The following BOD1L1 variants were observed in gnomAD, a reference collection of about 807,000 sequenced individuals.
BOD1L1 encodes the protein biorientation of chromosomes in cell division 1 like 1.
BOD1L1 carries 86 observed loss-of-function variants against 240.7 expected under a neutral mutation model. The observed-to-expected ratio is 0.36, with a 90% CI of 0.30 to 0.43. The LOEUF (loss-of-function observed/expected upper bound fraction) is 0.43, where lower values mean the gene tolerates loss of function less well. BOD1L1 is among the 20% of genes least tolerant of loss of function. BOD1L1 has a pLI of 1.00. For missense variants in BOD1L1, 3,554 were observed against 3,643.5 expected (o/e 0.98, Z 0.63); for synonymous variants, 1,268 against 1,272.3 (o/e 1.00, Z 0.07).
At chr4:13,617,149 G>A (rs1716675451) in intron 2 of BOD1L1, among the ~76,000 whole-genome samples, 1 of 150,722 alleles carries the variant, frequency 6.6e-6, no homozygotes, top group Non-Finnish European at 1.5e-5. Context: ...GGAGGCTGAG[G>A]CAGGAGAATT....
chr4:13,619,173 G>C lies in BOD1L1; in HGVS notation c.368+770C>G, dbSNP rs1043359501. On this transcript the variant is annotated intron_variant, in intron 2 of 25. Coordinates refer to ENST00000040738, the MANE Select transcript of BOD1L1 (RefSeq NM_148894.3). ...CCCTGTCTCTACAAAAAAATACAACGATAAGCTGGGCATGGTGGCAGGTGC... is the reference window on the plus strand; with the variant it reads ...CCCTGTCTCTACAAAAAAATACAACCATAAGCTGGGCATGGTGGCAGGTGC... Among the ~76,000 whole-genome samples, 7 of 151,966 alleles carry C rather than the reference G, an allele frequency of 4.6e-5. 1 individual carries two copies. In the South Asian group the frequency reaches 1.2e-3, roughly 27 times the overall value.
In BOD1L1 at chr4:13,604,838, C is replaced by T. The variant is rs750366619; in HGVS notation, c.2062G>A (p.Glu688Lys). 5.1e-5 allele frequency: 83 copies of T among 1,611,656 alleles called. No individual in the cohort carries two copies. The highest frequency in any genetic ancestry group is 4.0e-5 in the African/African-American group (3 of 74,630). ...RQVERSEICT[E>K]EPQKQKSTLK... ...GTGCTTTTCTGTTTCTGGGGCTCTT[C>T]GGTGCAAATTTCTGAGCGTTCTACT... The change falls in exon 10 of 26, where the codon GAA becomes AAA. Residue 688 changes from glutamate to lysine, a missense_variant. By Grantham distance (56) the Glu-to-Lys change is moderately conservative. Transcript: ENST00000040738.
At chr4:13,570,871 A>C (rs907673414) in intron 25 of BOD1L1, among the ~76,000 whole-genome samples, 2 of 152,142 alleles carry the variant, frequency 1.3e-5, no homozygotes, top group East Asian at 3.9e-4. Context: ...GGAATCCCCC[A>C]CAGAGAAATG....
chr4:13,600,491 C>T lies in BOD1L1; in HGVS notation c.6409G>A (p.Glu2137Lys). 6.2e-7 allele frequency: 1 copy of T among 1,613,978 alleles called. No individual in the cohort carries two copies. Among genetic ancestry groups the T allele is most frequent in the Non-Finnish European group, 8.5e-7 (1 of 1,179,902 alleles). Residue 2137 changes from glutamate to lysine, a missense_variant, in exon 10 of 26, where the codon GAG becomes AAG. By Grantham distance (56) the Glu-to-Lys change is moderately conservative (BLOSUM62 1). Coordinates refer to ENST00000040738, the MANE Select transcript of BOD1L1 (RefSeq NM_148894.3). ...GAAATCATGGCACACTCATCTTTCT[C>T]TTCACTTCTGCTGGCAGTGAGTTGG... ...DSQLTASRSE[E>K]KDECAMISTS...
At chr4:13,570,800 T>C (rs777049542) in intron 25 of BOD1L1, among the ~76,000 whole-genome samples, 4 of 152,142 alleles carry the variant, frequency 2.6e-5, no homozygotes, top group Non-Finnish European at 5.9e-5. Flanking sequence ...CTTCTACTTG[T>C]GCACCATCTG....
chr4:13,615,593 A>G (rs756264092), intron 2 of BOD1L1, 91 bp from the exon 3 acceptor site: 9 of 1,193,362 alleles, frequency 7.5e-6, no homozygotes, highest in Non-Finnish European at 9.2e-6. Flanking sequence ...TCTGTCATCT[A>G]TCTATCCATC....
chr4:13,615,897 G>A (rs1716551871), intron 2 of BOD1L1, among the ~76,000 whole-genome samples: 1 of 152,048 alleles, frequency 6.6e-6, no homozygotes, highest in South Asian at 2.1e-4. Flanking sequence ...TAAACCTATG[G>A]TCTCTACAAC....
At chr4:13,597,221 A>C (rs2108930829) in intron 10 of BOD1L1, 53 bp from the exon 11 acceptor site, 1 of 1,381,726 alleles carries the variant, frequency 7.2e-7, no homozygotes, top group East Asian at 2.4e-5. Context: ...TGCAAAATAC[A>C]TCTGGGGTCA....
chr4:13,606,891 G>A (rs2108965164), intron 9 of BOD1L1, among the ~76,000 whole-genome samples: 1 of 152,188 alleles, frequency 6.6e-6, no homozygotes, highest in African/African-American at 2.4e-5. Flanking sequence ...AATGGGAAAA[G>A]AGAAGAAGAG....
chr4:13,577,105 G>T, intron 24 of BOD1L1, 114 bp from the exon 25 acceptor site: 1 of 1,261,180 alleles, frequency 7.9e-7, no homozygotes, highest in Non-Finnish European at 1.1e-6. Flanking sequence ...CAGAGAAATG[G>T]TTTTCCACTT....
Position 13,577,412 on chromosome 4 carries a change from C to G in BOD1L1, c.8875G>C (p.Asp2959His). Residue 2959 changes from aspartate to histidine, a missense_variant, in exon 24 of 26, where the codon GAT becomes CAT. Physicochemically the swap from Asp to His is moderately conservative, Grantham distance 81. This residue lies in a region of BOD1L1 where 3,393 missense variants were observed against 3,427.1 expected (regional missense o/e 0.99). Coordinates refer to ENST00000040738, the MANE Select transcript of BOD1L1 (RefSeq NM_148894.3). ...TTTGCTAGAAACATACCAGCATCATCTGATACAGTGAGAGAACGTTTGGGT... is the reference window on the plus strand; with the variant it reads ...TTTGCTAGAAACATACCAGCATCATGTGATACAGTGAGAGAACGTTTGGGT... The part of the protein sequence containing the change: ...RKPKRSLTVS[D>H]DAESSEPERK... 2 of 1,613,422 alleles carry G rather than the reference C, an allele frequency of 1.2e-6. No homozygotes were observed. Among genetic ancestry groups the G allele is most frequent in the Non-Finnish European group, 1.7e-6 (2 of 1,179,636 alleles).
At chr4:13,586,674 C>G (rs1444887847) in intron 16 of BOD1L1, among the ~76,000 whole-genome samples, 199 bp from the exon 17 acceptor site, 1 of 152,106 alleles carries the variant, frequency 6.6e-6, no homozygotes, top group African/African-American at 2.4e-5. Flanking sequence ...AAAAATAAAA[C>G]AAAATACAAA....
At chr4:13,625,667 GAT>G (rs901122363) in intron 1 of BOD1L1, 2 of 152,064 alleles carry the variant, frequency 1.3e-5, no homozygotes, top group African/African-American at 4.8e-5. Flanking sequence ...AACTTTATTT[GAT>G]AACATTTACC....
At chr4:13,590,553 G>A in intron 13 of BOD1L1, 107 bp from the exon 14 acceptor site, 1 of 521,330 alleles carries the variant, frequency 1.9e-6, no homozygotes, top group Non-Finnish European at 3.4e-6. Flanking sequence ...TTGTACAAAT[G>A]CCAAAAGGAA....
chr4:13,576,888 G>GTCCTCTTCCTCTTCT lies in BOD1L1; in HGVS notation c.8973_8987dup (p.Glu2991_Glu2995dup), dbSNP rs1712796082. On this transcript the variant is annotated inframe_insertion, in exon 25 of 26. Transcript: ENST00000040738. ...ATCTTGTGGTGGCTCCTGAAGGCTC[G>GTCCTCTTCCTCTTCT]TCCTCTTCCTCTTCTTCCTCTTCCT... The GTCCTCTTCCTCTTCT allele has an allele frequency of 6.2e-7, 1 of 1,613,816 alleles. No individual in the cohort carries two copies. Among genetic ancestry groups the GTCCTCTTCCTCTTCT allele is most frequent in the African/African-American group, 1.3e-5 (1 of 74,882 alleles).
intron 21 of BOD1L1, among the ~76,000 whole-genome samples, chr4:13,580,230 G>C (rs897953302): frequency 1.3e-5 from 2 of 152,184 alleles, no homozygotes; most frequent in African/African-American, 4.8e-5. Flanking sequence ...TGGCCACTGT[G>C]GTTAATGTTT....
At chr4:13,623,892 T>C (rs760698640) in intron 1 of BOD1L1, 6 of 152,160 alleles carry the variant, frequency 3.9e-5, no homozygotes, top group African/African-American at 1.4e-4. Flanking sequence ...CAGATGAAAC[T>C]CAAGGATTCC....
chr4:13,591,504 G>A (rs528942668), intron 13 of BOD1L1, among the ~76,000 whole-genome samples: 9 of 152,126 alleles, frequency 5.9e-5, no homozygotes, highest in Admixed American at 1.3e-4. Context: ...AAGAATGAAC[G>A]GGATTATGAG....
intron 17 of BOD1L1, among the ~76,000 whole-genome samples, chr4:13,584,117 T>C (rs929276051): frequency 9.9e-5 from 15 of 152,230 alleles, no homozygotes; most frequent in African/African-American, 3.4e-4. Context: ...TTTTAAGATT[T>C]TTAGATAAAA....
Sources: gnomAD v4.1 joint callset for allele counts (sites outside exome capture counted in the v4.1 genomes callset) on GRCh38, gnomAD v4.1.1 for gene constraint, gnomAD v4.1.1 regional missense constraint, MANE v1.5 for transcripts, NCBI Gene and HGNC (gene_info 2026-07-23, HGNC 2026-07-21) for gene names.